SPIDR: variants seen among roughly 807,000 people sequenced by gnomAD.
SPIDR encodes the protein DNA repair-scaffolding protein.
SPIDR carries 93 observed loss-of-function variants against 104.6 expected under a neutral mutation model. That is an observed-to-expected ratio of 0.89 (90% CI 0.75 to 1.06). SPIDR has a LOEUF of 1.06. Ranked by LOEUF, SPIDR falls within the 50% of genes least tolerant of loss-of-function variation. The pLI, the probability that SPIDR is intolerant of heterozygous loss-of-function variation, is 0.00. For synonymous variants in SPIDR, 431 were observed against 416.9 expected, an observed-to-expected ratio of 1.03 and a Z score of -0.41; for missense variants, 1,154 against 1,111.2, an observed-to-expected ratio of 1.04 and a Z score of -0.55.
chr8:47,330,893 T>C, intron 5 of SPIDR: 1 of 408,832 alleles, frequency 2.4e-6, no homozygotes, highest in South Asian at 1.7e-5. Context: ...TTGGATTGTA[T>C]TGGTAAGAGT....
intron 10 of SPIDR, among the ~76,000 whole-genome samples, chr8:47,624,159 G>A (rs566524210): frequency 8.5e-5 from 13 of 152,260 alleles, no homozygotes; most frequent in African/African-American, 2.6e-4. Context: ...CGAAATGAAG[G>A]CAGAAATAAA....
chr8:47,623,068 T>C (rs530111542), intron 10 of SPIDR, among the ~76,000 whole-genome samples: 3 of 152,290 alleles, frequency 2.0e-5, no homozygotes, highest in African/African-American at 7.2e-5. Context: ...ACTAACAGCT[T>C]GGAGTTTTTT....
chr8:47,567,125 A>G (rs1295652882), intron 8 of SPIDR, among the ~76,000 whole-genome samples: 2 of 152,152 alleles, frequency 1.3e-5, no homozygotes, highest in East Asian at 1.9e-4. Context: ...TGCAGATAAT[A>G]GAGACAGGTG....
At chr8:47,513,634 T>C (rs2082692817) in intron 8 of SPIDR, among the ~76,000 whole-genome samples, 1 of 152,190 alleles carries the variant, frequency 6.6e-6, no homozygotes, top group Non-Finnish European at 1.5e-5. Context: ...TCTGGAGAAG[T>C]GCTGACTCAT....
At chr8:47,439,548 C>T (rs763619391) in intron 7 of SPIDR, among the ~76,000 whole-genome samples, 13 of 152,158 alleles carry the variant, frequency 8.5e-5, no homozygotes, top group Non-Finnish European at 1.8e-4. Flanking sequence ...TTATAAACAA[C>T]GCTGAGATGT....
intron 8 of SPIDR, among the ~76,000 whole-genome samples, chr8:47,569,012 A>G (rs964497459): frequency 6.6e-6 from 1 of 152,246 alleles, no homozygotes; most frequent in African/African-American, 2.4e-5. Context: ...GGATTCATCT[A>G]TATGCTGTCT....
intron 10 of SPIDR, among the ~76,000 whole-genome samples, chr8:47,672,131 T>A (rs1055289975): frequency 2.0e-5 from 3 of 152,324 alleles, no homozygotes; most frequent in South Asian, 2.1e-4. Context: ...CTAAATTTTT[T>A]AAAATTTTTC....
chr8:47,584,950 C>T (rs2060112902), intron 8 of SPIDR, among the ~76,000 whole-genome samples: 1 of 151,924 alleles, frequency 6.6e-6, no homozygotes, highest in South Asian at 2.1e-4. Flanking sequence ...CCATACCTAT[C>T]GGCTATTGGC....
Position 47,701,763 on chromosome 8 carries a change from A to G in SPIDR, c.1816A>G (p.Thr606Ala), listed in dbSNP as rs999843261. 1 of 1,614,144 alleles carries G rather than the reference A, an allele frequency of 6.2e-7. No homozygotes were observed. Among genetic ancestry groups the G allele is most frequent in the Non-Finnish European group, 8.5e-7 (1 of 1,180,016 alleles). The change falls in exon 13 of 20, where the codon ACA (threonine) becomes GCA (alanine). Residue 606 changes from threonine to alanine, a missense_variant. Physicochemically the swap from Thr to Ala is moderately conservative, Grantham distance 58. Transcript: ENST00000297423. ...TCCTCCAGCCTTGTGTTACATCCTC[A>G]CAGCTCATCCAAATCTGGGACAAAT... is the stretch of plus-strand genomic sequence containing the variant. ...LPPPALCYIL[T>A]AHPNLGQIDI...
intron 5 of SPIDR, chr8:47,294,250 C>T (rs2040440446): frequency 2.1e-6 from 1 of 474,206 alleles, no homozygotes; most frequent in Non-Finnish European, 3.5e-6. Context: ...CTTTCACTTC[C>T]CACCCTCACT....
chr8:47,664,827 T>C (rs1479814280), intron 10 of SPIDR, among the ~76,000 whole-genome samples: 1 of 148,260 alleles, frequency 6.7e-6, no homozygotes, highest in Non-Finnish European at 1.5e-5. Flanking sequence ...GCCTGGGAGA[T>C]CGAGGCTGCA....
chr8:47,396,072 A>C lies in SPIDR; in HGVS notation c.526-304A>C, dbSNP rs183227674. On this transcript the variant is annotated intron_variant, in intron 5 of 19. Coordinates refer to ENST00000297423, the MANE Select transcript of SPIDR (RefSeq NM_001080394.4). ...ATGAGTGTTATTAGTTCAGTTTTGG[A>C]GATTGCCTCTATGTGTGGTACTGTC... is the stretch of plus-strand genomic sequence containing the variant. Among the ~76,000 whole-genome samples the C allele has an allele frequency of 8.5e-4, 129 of 152,290 alleles. 1 individual carries two copies. The highest frequency in any genetic ancestry group is 2.9e-5 in the Non-Finnish European group (2 of 68,036).
intron 8 of SPIDR, among the ~76,000 whole-genome samples, chr8:47,589,022 G>GTTTTTTT (rs1168001066): frequency 8.3e-4 from 74 of 89,004 alleles, no homozygotes; most frequent in Non-Finnish European, 1.0e-3. Context: ...TTTATAGTTT[G>GTTTTTTT]TTTTTTTTTT....
At chr8:47,610,384 G>T (rs2063455641) in intron 10 of SPIDR, among the ~76,000 whole-genome samples, 1 of 152,170 alleles carries the variant, frequency 6.6e-6, no homozygotes, top group Non-Finnish European at 1.5e-5. Context: ...TTCAGGGGTG[G>T]CCAGATGCAA....
chr8:47,534,812 TAATGA>T (rs767230791), intron 8 of SPIDR, among the ~76,000 whole-genome samples: 5 of 151,358 alleles, frequency 3.3e-5, no homozygotes, highest in South Asian at 2.1e-4. Context: ...AGGCAGAAAT[TAATGA>T]AATCGAAAAC....
intron 16 of SPIDR, among the ~76,000 whole-genome samples, chr8:47,722,180 G>A (rs907288668): frequency 6.6e-6 from 1 of 151,820 alleles, no homozygotes; most frequent in African/African-American, 2.4e-5. Context: ...AATTCCAATC[G>A]TTCATTGAGT....
chr8:47,379,388 C>T (rs2059054441), intron 5 of SPIDR, among the ~76,000 whole-genome samples: 1 of 152,012 alleles, frequency 6.6e-6, no homozygotes, highest in African/African-American at 2.4e-5. Flanking sequence ...ACAAAAAATA[C>T]AAAAATTAGC....
At chr8:47,669,388 A>AG (rs1322635778) in intron 10 of SPIDR, among the ~76,000 whole-genome samples, 1 of 152,140 alleles carries the variant, frequency 6.6e-6, no homozygotes, top group African/African-American at 2.4e-5. Context: ...CAGTCGAACC[A>AG]GGGGGGTGAT....
Position 47,302,752 on chromosome 8 carries a change from G to A in SPIDR, c.525+8722G>A, listed in dbSNP as rs1001544657. Among the ~76,000 whole-genome samples, 31 of 152,338 alleles carry A rather than the reference G, an allele frequency of 2.0e-4. 1 individual carries two copies. Among genetic ancestry groups the A allele is most frequent in the African/African-American group, 7.2e-4 (30 of 41,578 alleles). ...CTGGGTATCAGCAGCGGAGGCTGCA[G>A]AACAGCCAATATTGGTTTATACCAA... is the stretch of plus-strand genomic sequence containing the variant. On this transcript the variant is annotated intron_variant, in intron 5 of 19. Transcript: ENST00000297423.
Sources: allele counts gnomAD v4.1 joint callset (sites outside exome capture counted in the v4.1 genomes callset), GRCh38; gene constraint gnomAD v4.1.1; transcripts MANE v1.5; gene names NCBI Gene and HGNC (gene_info 2026-07-23, HGNC 2026-07-21).